Variants in WHRN observed in about 807,000 individuals in gnomAD.
WHRN encodes the protein CASK-interacting protein CIP98.
WHRN carries 41 observed loss-of-function variants against 68.3 expected under a neutral mutation model. That is an observed-to-expected ratio of 0.60 (90% CI 0.47 to 0.78). WHRN has a LOEUF of 0.78. Ranked by LOEUF, WHRN falls within the 30% of genes least tolerant of loss-of-function variation. The probability of loss-of-function intolerance (pLI) is 0.00; values close to 1 mark genes in which losing one functional copy is unlikely to be tolerated. For missense variants in WHRN, 1,243 were observed against 1,244.7 expected (o/e 1.00, Z 0.02); for synonymous variants, 560 against 561.3 (o/e 1.00, Z 0.03).
chr9:114,443,788 C>T (rs1838590140), intron 3 of WHRN, among the ~76,000 whole-genome samples: 2 of 152,292 alleles, frequency 1.3e-5, no homozygotes, highest in South Asian at 4.1e-4. Flanking sequence ...CTGTACTAGT[C>T]CATTTTCACA....
chr9:114,449,276 C>T (rs1266864655), intron 3 of WHRN, among the ~76,000 whole-genome samples: 2 of 152,204 alleles, frequency 1.3e-5, no homozygotes, highest in Non-Finnish European at 2.9e-5. Context: ...TATTCCAGGA[C>T]CTTTGTTCAG....
chr9:114,463,263 T>C (rs1840391496), intron 3 of WHRN, among the ~76,000 whole-genome samples: 1 of 152,230 alleles, frequency 6.6e-6, no homozygotes, highest in Non-Finnish European at 1.5e-5. Context: ...GTCTGTGTCC[T>C]GCCTGTAGCT....
intron 1 of WHRN, among the ~76,000 whole-genome samples, chr9:114,492,274 C>T (rs1299892675): frequency 6.6e-6 from 1 of 152,106 alleles, no homozygotes; most frequent in Non-Finnish European, 1.5e-5. Flanking sequence ...CCAATGCCAC[C>T]TCTAGAAAGA....
chr9:114,483,178 G>T (rs534499727), intron 1 of WHRN, among the ~76,000 whole-genome samples: 1 of 152,126 alleles, frequency 6.6e-6, no homozygotes, highest in African/African-American at 2.4e-5. Flanking sequence ...ATCCTCTACT[G>T]CTTTTTTATA....
At chr9:114,446,890 C>A (rs1336666917) in intron 3 of WHRN, among the ~76,000 whole-genome samples, 1 of 152,022 alleles carries the variant, frequency 6.6e-6, no homozygotes, top group Non-Finnish European at 1.5e-5. Context: ...GTCTCCTTCC[C>A]TACCCCTTCC....
chr9:114,489,057 G>A (rs904277274), intron 1 of WHRN, among the ~76,000 whole-genome samples: 3 of 152,162 alleles, frequency 2.0e-5, no homozygotes, highest in Non-Finnish European at 2.9e-5. Context: ...ATAGGATCAA[G>A]TACTCCAAGC....
chr9:114,431,480 C>T lies in WHRN; in HGVS notation c.964-5067G>A, dbSNP rs117135750. On this transcript the variant is annotated intron_variant, in intron 3 of 11. Transcript: ENST00000362057. ...ATCTTCTCATCTTCTTCCTACCAGC[C>T]TATGCCACCTTCACCCCAGCACAGC... Among the ~76,000 whole-genome samples, 319 of 152,316 alleles carry T rather than the reference C, an allele frequency of 2.1e-3. 8 individuals carry two copies. The South Asian group carries it at 0.033, about 16-fold the overall frequency.
rs146210109 is a variant in WHRN at position 114,415,173 on chromosome 9, C to T, written c.1627-7155G>A. Among the ~76,000 whole-genome samples the T allele has an allele frequency of 2.0e-3, 303 of 152,108 alleles. 1 individual carries two copies. The highest frequency in any genetic ancestry group is 6.9e-3 in the African/African-American group (288 of 41,492). ...AATTAGCTGTGCATGGGAGCATGTG[C>T]GCCTGTGGCCCCAGTTACTCAGGAG... On this transcript the variant is annotated intron_variant, in intron 7 of 11. Coordinates refer to ENST00000362057, the MANE Select transcript of WHRN (RefSeq NM_015404.4).
rs1245711799 is a variant in WHRN at position 114,407,629 on chromosome 9, T to A, written c.1698+318A>T. ...ATGCCACGAACTTATGGGGTAGGTA[T>A]GCTATGATCATCATCCCCACTTTAC... On this transcript the variant is annotated intron_variant, in intron 8 of 11. Transcript: ENST00000362057. Among the ~76,000 whole-genome samples, 3 of 152,206 alleles carry A rather than the reference T, an allele frequency of 2.0e-5. No individual in the cohort carries two copies. In the East Asian group the frequency reaches 5.8e-4, roughly 29 times the overall value.
At chr9:114,482,162 G>A (rs968857257) in intron 1 of WHRN, among the ~76,000 whole-genome samples, 4 of 151,830 alleles carry the variant, frequency 2.6e-5, no homozygotes, top group African/African-American at 9.7e-5. Flanking sequence ...ATCATCTGGT[G>A]CACAGTAGGT....
At chr9:114,448,512 C>T (rs1839033783) in intron 3 of WHRN, among the ~76,000 whole-genome samples, 1 of 152,182 alleles carries the variant, frequency 6.6e-6, no homozygotes, top group African/African-American at 2.4e-5. Flanking sequence ...CCCCTTGAAA[C>T]TGCCTGGACT....
chr9:114,424,975 G>C lies in WHRN; in HGVS notation c.1203+13C>G. ...GTGAGGAAGCAGAGAATACCCCTTA[G>C]AGGATGTCCTACCTTGTTTATTCCT... is the stretch of plus-strand genomic sequence containing the variant. On this transcript the variant is annotated intron_variant, in intron 5 of 11. Transcript: ENST00000362057. The C allele has an allele frequency of 1.2e-6, 2 of 1,613,928 alleles. No homozygotes were observed. The highest frequency in any genetic ancestry group is 8.5e-7 in the Non-Finnish European group (1 of 1,179,780).
intron 1 of WHRN, among the ~76,000 whole-genome samples, chr9:114,492,893 T>G: frequency 6.6e-6 from 1 of 152,158 alleles, no homozygotes; most frequent in East Asian, 1.9e-4. Flanking sequence ...GGCGCAAGCC[T>G]GTAGTCCCAG....
chr9:114,458,829 G>T (rs1201999053), intron 3 of WHRN, among the ~76,000 whole-genome samples: 1 of 152,254 alleles, frequency 6.6e-6, no homozygotes, highest in Admixed American at 6.5e-5. Context: ...GCTGGTAAGA[G>T]AAATGGTGGC....
chr9:114,504,845 G>C lies in WHRN; in HGVS notation c.-44C>G. 1 of 1,360,918 alleles carries C rather than the reference G, an allele frequency of 7.3e-7. No individual in the cohort carries two copies. Among genetic ancestry groups the C allele is most frequent in the Non-Finnish European group, 9.4e-7 (1 of 1,067,686 alleles). The allele number at this position is 1,360,918 out of a possible 1,614,324, so 84.3% of individuals were successfully genotyped here. A position where few individuals can be genotyped will look rare whatever the true frequency, so the allele number is the denominator to read the frequency against. ...CCGGGCTCTGAGCGCGCGGGGTGTG[G>C]GCGGTGCCGCTGTCCTCGCGGGTAC... On this transcript the variant is annotated 5_prime_UTR_variant, in exon 1 of 12. Coordinates refer to ENST00000362057, the MANE Select transcript of WHRN (RefSeq NM_015404.4).
chr9:114,404,126 G>T, intron 9 of WHRN, 49 bp from the exon 10 acceptor site: 1 of 1,584,176 alleles, frequency 6.3e-7, no homozygotes, highest in South Asian at 1.1e-5. Flanking sequence ...GCTGGGGTCA[G>T]GGAGGGCTGC....
intron 1 of WHRN, among the ~76,000 whole-genome samples, chr9:114,479,633 C>T (rs1404951560): frequency 1.3e-5 from 2 of 152,162 alleles, no homozygotes; most frequent in Admixed American, 6.5e-5. Flanking sequence ...GGCCACTCTG[C>T]GCTGCACCTG....
intron 10 of WHRN, 77 bp from the exon 11 acceptor site, chr9:114,403,416 C>T: frequency 1.3e-6 from 2 of 1,596,512 alleles, no homozygotes; most frequent in Non-Finnish European, 1.7e-6. Flanking sequence ...CGGGCCGTGA[C>T]ACCACCCTGG....
At chr9:114,488,402 G>A (rs373493627) in intron 1 of WHRN, among the ~76,000 whole-genome samples, 1 of 152,160 alleles carries the variant, frequency 6.6e-6, no homozygotes, top group Admixed American at 6.5e-5. Context: ...AGGTGGTGAA[G>A]TGTCTATGCA....
Sources: allele counts gnomAD v4.1 joint callset (sites outside exome capture counted in the v4.1 genomes callset), GRCh38; gene constraint gnomAD v4.1.1; transcripts MANE v1.5; gene names NCBI Gene and HGNC (gene_info 2026-07-23, HGNC 2026-07-21).